Variants in APPL2 observed in about 807,000 individuals in gnomAD.
The protein encoded by APPL2 is DCC-interacting protein 13-beta.
APPL2 carries 84 observed loss-of-function variants against 92.7 expected under a neutral mutation model. That is an observed-to-expected ratio of 0.91 (90% confidence interval 0.76 to 1.09). APPL2 has a LOEUF of 1.09. Ranked by LOEUF, APPL2 falls within the 50% of genes least tolerant of loss-of-function variation. The pLI is 0.00. For synonymous variants in APPL2, 291 were observed against 291.0 expected, an observed-to-expected ratio of 1.00 and a Z score of 0.00; for missense variants, 736 against 824.5, an observed-to-expected ratio of 0.89 and a Z score of 1.31.
At position 105,190,053 on chromosome 12, in the gene APPL2, C is replaced by T. The variant is rs750188627; in HGVS notation, c.1344G>A (p.Thr448=). Residue 448 remains threonine, a synonymous_variant, in exon 15 of 21, where the codon ACG becomes ACA. Coordinates refer to ENST00000258530, the MANE Select transcript of APPL2 (RefSeq NM_018171.5). ...PEAEELIAPG[T]PIQFDIVLPA... ...GAAGCACAATATCGAATTGAATCGG[C>T]GTTCCAGGCGCGATCAGCTCCTCTG... 2.8e-5 allele frequency: 46 copies of T among 1,614,076 alleles called. No individual in the cohort carries two copies. Among genetic ancestry groups the T allele is most frequent in the South Asian group, 4.4e-5 (4 of 91,080 alleles).
At chr12:105,223,147 G>A (rs1399498407) in intron 2 of APPL2, among the ~76,000 whole-genome samples, 1 of 152,194 alleles carries the variant, frequency 6.6e-6, no homozygotes, top group African/African-American at 2.4e-5. Context: ...GAGGTGACGG[G>A]AAGGTTTTAA....
In APPL2 at chr12:105,174,151, T is replaced by G; in HGVS notation, c.*163A>C. 1 of 801,454 alleles carries G rather than the reference T, an allele frequency of 1.2e-6. No individual in the cohort carries two copies. The allele number at this position is 801,454 out of a possible 1,614,324, so 49.6% of individuals were successfully genotyped here. On this transcript the variant is annotated 3_prime_UTR_variant, in exon 21 of 21. Transcript: ENST00000258530. ...GGTGGGAACGCTGTCAACCATTTCT[T>G]AGTTTCCCTCCCAAGTCTCAGTATC...
chr12:105,199,645 G>T, intron 9 of APPL2, 114 bp from the exon 10 acceptor site: 1 of 1,156,178 alleles, frequency 8.6e-7, no homozygotes, highest in Non-Finnish European at 1.2e-6. Context: ...TACAGATGGA[G>T]CTGCCAGCCT....
chr12:105,190,293 T>C, intron 14 of APPL2, 138 bp from the exon 15 acceptor site: 1 of 983,810 alleles, frequency 1.0e-6, no homozygotes, highest in Non-Finnish European at 1.5e-6. Flanking sequence ...ATTCTACAAA[T>C]AAACCTTCTT....
In APPL2 at chr12:105,197,787, T is replaced by A; in HGVS notation, c.1030A>T (p.Ile344Phe). Residue 344 changes from isoleucine to phenylalanine, a missense_variant, in exon 11 of 21, where the codon ATC (isoleucine) becomes TTC (phenylalanine). Physicochemically the swap from Ile to Phe is conservative, Grantham distance 21. Transcript: ENST00000258530. ...DCEDRRYCFQ[I>F]TTPNGKSGII... ...TACGATTTTCCATTGGGCGTGGTGA[T>A]CTGGAAGCAGTAGCGCCGGTCTTCG... 1 of 1,614,148 alleles carries A rather than the reference T, an allele frequency of 6.2e-7. No homozygotes were observed. Among genetic ancestry groups the A allele is most frequent in the Non-Finnish European group, 8.5e-7 (1 of 1,180,042 alleles).
intron 17 of APPL2, among the ~76,000 whole-genome samples, chr12:105,186,595 T>C (rs1886627083): frequency 6.8e-6 from 1 of 147,728 alleles, no homozygotes; most frequent in Admixed American, 6.8e-5. Context: ...TAAACGCTTA[T>C]TTTCCATTAA....
chr12:105,179,779 G>C (rs1307766047), intron 17 of APPL2, among the ~76,000 whole-genome samples: 2 of 152,116 alleles, frequency 1.3e-5, no homozygotes, highest in African/African-American at 4.8e-5. Context: ...GTCTTCTTTT[G>C]AAAAATGTCT....
Position 105,208,023 on chromosome 12 carries a change from T to C in APPL2, c.422A>G (p.Asp141Gly). ...CCTGCTGTATTTTGCCATTGAGAGGTCATGCTCTAAAAATAAACAGACATC... is the reference window on the plus strand; with the variant it reads ...CCTGCTGTATTTTGCCATTGAGAGGCCATGCTCTAAAAATAAACAGACATC... ...DLFGLASNEH[D>G]LSMAKYSRLP... The change falls in exon 7 of 21, where the codon GAC (aspartate) becomes GGC (glycine). Residue 141 changes from aspartate to glycine, a missense_variant. By Grantham distance (94) the Asp-to-Gly change is moderately conservative. Transcript: ENST00000258530. 1 of 1,614,010 alleles carries C rather than the reference T, an allele frequency of 6.2e-7. No individual in the cohort carries two copies. Among genetic ancestry groups the C allele is most frequent in the Non-Finnish European group, 8.5e-7 (1 of 1,179,986 alleles).
intron 17 of APPL2, among the ~76,000 whole-genome samples, chr12:105,179,015 T>C (rs574747456): frequency 6.6e-6 from 1 of 152,328 alleles, no homozygotes; most frequent in South Asian, 2.1e-4. Context: ...CTTTAAGTTC[T>C]GAGATACATG....
At chr12:105,222,090 G>T (rs1361614600) in intron 2 of APPL2, among the ~76,000 whole-genome samples, 3 of 152,178 alleles carry the variant, frequency 2.0e-5, no homozygotes, top group Non-Finnish European at 4.4e-5. Flanking sequence ...GGTCGCACTA[G>T]TTCAGGAGCC....
chr12:105,178,291 A>G (rs975556879), intron 17 of APPL2, among the ~76,000 whole-genome samples: 4 of 152,182 alleles, frequency 2.6e-5, no homozygotes, highest in African/African-American at 9.7e-5. Context: ...GAAAGCAAAA[A>G]TATAGTTTGT....
At chr12:105,190,414 T>C (rs921521733) in intron 14 of APPL2, among the ~76,000 whole-genome samples, 1 of 152,194 alleles carries the variant, frequency 6.6e-6, no homozygotes, top group South Asian at 2.1e-4. Flanking sequence ...TCTGTATCCT[T>C]CTCTGTGAGG....
In APPL2 at chr12:105,188,430, T is replaced by C. The variant is rs754727159; in HGVS notation, c.1477A>G (p.Met493Val). 3 of 1,614,082 alleles carry C rather than the reference T, an allele frequency of 1.9e-6. No homozygotes were observed. Among genetic ancestry groups the C allele is most frequent in the South Asian group, 1.1e-5 (1 of 91,068 alleles). ...GATCCCAAAAACCGAACTATAAACATCTGCTGCAAAAGAGAATCTGGAAGA... is the reference window on the plus strand; with the variant it reads ...GATCCCAAAAACCGAACTATAAACACCTGCTGCAAAAGAGAATCTGGAAGA... ...PEAEDSLLQQ[M>V]FIVRFLGSMA... The change falls in exon 17 of 21, where the codon ATG becomes GTG. Residue 493 changes from methionine to valine, a missense_variant. Transcript: ENST00000258530.
chr12:105,199,449 T>C lies in APPL2; in HGVS notation c.787A>G (p.Thr263Ala). 2 of 1,614,100 alleles carry C rather than the reference T, an allele frequency of 1.2e-6. No individual in the cohort carries two copies. The highest frequency in any genetic ancestry group is 8.5e-7 in the Non-Finnish European group (1 of 1,180,012). The change falls in exon 10 of 21, where the codon ACT (threonine) becomes GCT (alanine). Residue 263 changes from threonine (T) to alanine (A), a missense_variant. Coordinates refer to ENST00000258530, the MANE Select transcript of APPL2 (RefSeq NM_018171.5). ...ELLSVDESVY[T>A]PDSDVAAPQI... ...GGTGCGGCCACATCAGAGTCTGGAG[T>C]GTAAACAGATTCATCAACAGAAAGT... is the stretch of plus-strand genomic sequence containing the variant.
chr12:105,178,202 A>C (rs1171800478), intron 17 of APPL2, among the ~76,000 whole-genome samples: 36 of 152,254 alleles, frequency 2.4e-4, no homozygotes, highest in Admixed American at 2.4e-3. Flanking sequence ...ATAAGTGGTT[A>C]TAAATTTCTA....
rs1260428023 is a variant in APPL2, at chr12:105,207,202, C to G, written c.480G>C (p.Lys160Asn). The change falls in exon 8 of 21, where the codon AAG becomes AAC. Residue 160 changes from lysine (K) to asparagine (N), a missense_variant. Coordinates refer to ENST00000258530, the MANE Select transcript of APPL2 (RefSeq NM_018171.5). ...LPKKKENEKV[K>N]TEVGKEVAAA... ...CGGCCACCTCTTTTCCGACTTCGGT[C>G]TTCACCTGGTTAAAAGGTGAAAGGA... is the stretch of plus-strand genomic sequence containing the variant. The G allele has an allele frequency of 1.2e-6, 2 of 1,612,502 alleles. No homozygotes were observed. The highest frequency in any genetic ancestry group is 2.2e-5 in the South Asian group (2 of 90,786).
At chr12:105,227,688 T>C (rs1216637377) in intron 2 of APPL2, among the ~76,000 whole-genome samples, 2 of 152,184 alleles carry the variant, frequency 1.3e-5, no homozygotes, top group Non-Finnish European at 2.9e-5. Flanking sequence ...ACCTCCCCTA[T>C]GCTTAGGAGT....
intron 20 of APPL2, among the ~76,000 whole-genome samples, chr12:105,174,876 TG>T (rs59473626): frequency 0.58 from 51,370 of 88,908 alleles, 15,566 homozygotes; most frequent in South Asian, 0.71. Flanking sequence ...TTTTTTTTGG[TG>T]GGGGGGGGGG....
At chr12:105,200,170 T>A (rs1036143397) in intron 9 of APPL2, among the ~76,000 whole-genome samples, 3 of 152,142 alleles carry the variant, frequency 2.0e-5, no homozygotes, top group Non-Finnish European at 2.9e-5. Flanking sequence ...GACAGAGGTA[T>A]CCATGCTCAG....
Sources: gnomAD v4.1 joint callset for allele counts (sites outside exome capture counted in the v4.1 genomes callset) on GRCh38, gnomAD v4.1.1 for gene constraint, MANE v1.5 for transcripts, NCBI Gene and HGNC (gene_info 2026-07-23, HGNC 2026-07-21) for gene names.